The following ZSWIM6 variants were observed in gnomAD, a reference collection of about 807,000 sequenced individuals.
ZSWIM6 encodes zinc finger SWIM domain-containing protein 6.
Under a neutral mutation model 113.2 loss-of-function variants are expected in ZSWIM6, and 9 were observed. The ratio of observed to expected loss-of-function variants is 0.08; its 90% CI spans 0.05 to 0.14. ZSWIM6 has a LOEUF of 0.14. ZSWIM6 is among the 10% of genes least tolerant of loss of function. The pLI, the probability that ZSWIM6 is intolerant of heterozygous loss-of-function variation, is 1.00. For synonymous variants in ZSWIM6, 611 were observed against 606.5 expected (o/e 1.01, Z -0.11); for missense variants, 1,162 against 1,552.2 (o/e 0.75, Z 4.22).
rs1322086815 is a variant in ZSWIM6 at position 61,384,462 on chromosome 5, A to T, written c.676+51514A>T. On this transcript the variant is annotated intron_variant, in intron 1 of 13. Coordinates refer to ENST00000252744, the MANE Select transcript of ZSWIM6 (RefSeq NM_020928.2). The stretch of plus-strand genomic sequence containing the variant: ...CTTTGAGTCTGGGCAGGGAAGAAAG[A>T]AAGTTTCACAAAGGCTAAAACAAGC... Among the ~76,000 whole-genome samples the T allele has an allele frequency of 2.6e-5, 4 of 152,168 alleles. No homozygotes were observed. In the South Asian group the frequency reaches 6.2e-4, roughly 24 times the overall value.
chr5:61,380,607 G>A (rs527716201), intron 1 of ZSWIM6, among the ~76,000 whole-genome samples: 1 of 152,272 alleles, frequency 6.6e-6, no homozygotes, highest in African/African-American at 2.4e-5. Flanking sequence ...AGGTGTAGGT[G>A]TAGGAAATGC....
intron 1 of ZSWIM6, among the ~76,000 whole-genome samples, chr5:61,423,000 A>G (rs941253398): frequency 5.3e-5 from 8 of 152,204 alleles, no homozygotes; most frequent in Admixed American, 5.2e-4. Flanking sequence ...GGAAACAAGG[A>G]TAATTTGACT....
intron 1 of ZSWIM6, among the ~76,000 whole-genome samples, chr5:61,334,499 C>T (rs924435053): frequency 6.6e-6 from 1 of 152,120 alleles, no homozygotes; most frequent in Admixed American, 6.5e-5. Flanking sequence ...TCCTTTTATC[C>T]TTCTTTTCTT....
At chr5:61,402,075 G>A (rs770913351) in intron 1 of ZSWIM6, among the ~76,000 whole-genome samples, 1 of 151,906 alleles carries the variant, frequency 6.6e-6, no homozygotes, top group African/African-American at 2.4e-5. Flanking sequence ...CTTAGATATG[G>A]GATAAAATTC....
chr5:61,518,696 T>C (rs1359808700), intron 4 of ZSWIM6, among the ~76,000 whole-genome samples: 3 of 151,996 alleles, frequency 2.0e-5, no homozygotes, highest in African/African-American at 7.2e-5. Context: ...TAGCCCTTTG[T>C]CAGATGAGTA....
chr5:61,410,769 T>C (rs1477925406), intron 1 of ZSWIM6, among the ~76,000 whole-genome samples: 4 of 152,224 alleles, frequency 2.6e-5, no homozygotes, highest in African/African-American at 9.6e-5. Context: ...TTTCATTTAA[T>C]ACATAGAATA....
At chr5:61,397,803 T>C (rs954897391) in intron 1 of ZSWIM6, among the ~76,000 whole-genome samples, 1 of 152,176 alleles carries the variant, frequency 6.6e-6, no homozygotes. Context: ...GAGAATGGGC[T>C]TTATGGTCCA....
intron 1 of ZSWIM6, among the ~76,000 whole-genome samples, chr5:61,347,992 C>T (rs532965540): frequency 2.0e-4 from 31 of 152,178 alleles, no homozygotes; most frequent in South Asian, 1.2e-3. Flanking sequence ...GAGGCTGAGG[C>T]GGGTGGATCA....
At chr5:61,495,185 A>T (rs1748283315) in intron 4 of ZSWIM6, among the ~76,000 whole-genome samples, 1 of 152,164 alleles carries the variant, frequency 6.6e-6, no homozygotes, top group Non-Finnish European at 1.5e-5. Context: ...TCCTAGTCTT[A>T]GTGAAATTTT....
At chr5:61,436,222 A>G (rs1746704000) in intron 1 of ZSWIM6, among the ~76,000 whole-genome samples, 1 of 151,748 alleles carries the variant, frequency 6.6e-6, no homozygotes. Context: ...AAAAAAATGT[A>G]GTCACTAATT....
intron 1 of ZSWIM6, among the ~76,000 whole-genome samples, chr5:61,467,110 A>C (rs1283310868): frequency 6.6e-6 from 1 of 152,186 alleles, no homozygotes; most frequent in Non-Finnish European, 1.5e-5. Context: ...GCCTGTTGGC[A>C]GTGCATTATA....
At chr5:61,463,520 T>C (rs755805348) in intron 1 of ZSWIM6, among the ~76,000 whole-genome samples, 1 of 152,204 alleles carries the variant, frequency 6.6e-6, no homozygotes, top group Non-Finnish European at 1.5e-5. Flanking sequence ...GGTCCAGCAA[T>C]CTTTGTTATC....
chr5:61,526,982 G>T (rs1319477160), intron 7 of ZSWIM6, among the ~76,000 whole-genome samples: 1 of 152,136 alleles, frequency 6.6e-6, no homozygotes, highest in African/African-American at 2.4e-5. Flanking sequence ...TGTACATCAG[G>T]ACATGTTACT....
chr5:61,422,956 G>A (rs1746383682), intron 1 of ZSWIM6, among the ~76,000 whole-genome samples: 1 of 152,112 alleles, frequency 6.6e-6, no homozygotes, highest in Non-Finnish European at 1.5e-5. Flanking sequence ...TTTTTTAATG[G>A]AGTTTTTAGA....
intron 5 of ZSWIM6, among the ~76,000 whole-genome samples, chr5:61,523,007 G>A (rs553256518): frequency 1.3e-5 from 2 of 152,234 alleles, no homozygotes; most frequent in East Asian, 1.9e-4. Context: ...AGTTCATTTC[G>A]CTTATGGTTT....
chr5:61,372,069 G>A (rs1465461470), intron 1 of ZSWIM6, among the ~76,000 whole-genome samples: 1 of 149,314 alleles, frequency 6.7e-6, no homozygotes. Context: ...ATTTACTGAT[G>A]GCTGAGATTT....
chr5:61,426,210 C>T (rs1170580536), intron 1 of ZSWIM6, among the ~76,000 whole-genome samples: 1 of 152,126 alleles, frequency 6.6e-6, no homozygotes, highest in African/African-American at 2.4e-5. Flanking sequence ...TAAATATAAA[C>T]ACTATACTTA....
intron 1 of ZSWIM6, among the ~76,000 whole-genome samples, chr5:61,343,092 T>C (rs1404266887): frequency 1.3e-5 from 2 of 152,224 alleles, no homozygotes. Flanking sequence ...TAAGGTCCTT[T>C]TAAAATGTTA....
At chr5:61,530,266 T>C (rs1403382123) in intron 8 of ZSWIM6, 68 bp downstream of exon 8, 2 of 1,429,324 alleles carry the variant, frequency 1.4e-6, no homozygotes, top group Non-Finnish European at 1.9e-6. Context: ...TAGTCATTGT[T>C]TTTCTTTACA....
Sources: gnomAD v4.1 joint callset for allele counts (sites outside exome capture counted in the v4.1 genomes callset) on GRCh38, gnomAD v4.1.1 for gene constraint, MANE v1.5 for transcripts, NCBI Gene and HGNC (gene_info 2026-07-23, HGNC 2026-07-21) for gene names.